The following TSHR variants were observed in gnomAD, a reference collection of about 807,000 sequenced individuals.
TSHR encodes thyrotropin receptor.
A neutral mutation model predicts 64.1 loss-of-function variants in TSHR; 51 were observed. The observed-to-expected ratio is 0.80, with a 90% CI of 0.64 to 1.01. TSHR has a LOEUF of 1.01. Ranked by LOEUF, TSHR falls within the 50% of genes least tolerant of loss-of-function variation. TSHR has a pLI of 0.00. For missense variants in TSHR, 877 were observed against 942.8 expected (o/e 0.93, Z 0.91); for synonymous variants, 361 against 361.9 (o/e 1.00, Z 0.03).
intron 1 of TSHR, chr14:81,032,575 C>T: frequency 4.6e-6 from 2 of 438,798 alleles, no homozygotes; most frequent in Admixed American, 5.5e-5. Context: ...GCTTGTGGCT[C>T]CTTCAATCCT....
chr14:81,041,328 C>T (rs573035183), intron 1 of TSHR, among the ~76,000 whole-genome samples: 1 of 152,212 alleles, frequency 6.6e-6, no homozygotes, highest in South Asian at 2.1e-4. Context: ...CCATGGAATA[C>T]TATGCAGCCA....
chr14:81,069,371 T>G (rs995015927), intron 3 of TSHR, among the ~76,000 whole-genome samples: 5 of 152,194 alleles, frequency 3.3e-5, no homozygotes, highest in Non-Finnish European at 7.3e-5. Flanking sequence ...AAGATATTGC[T>G]TACAAGTATG....
chr14:81,133,461 A>G (rs1449451270), intron 8 of TSHR, among the ~76,000 whole-genome samples: 2 of 152,200 alleles, frequency 1.3e-5, no homozygotes, highest in African/African-American at 4.8e-5. Context: ...TGGTAAGAGT[A>G]AGACATGGGA....
chr14:81,079,199 T>C (rs1209094153), intron 3 of TSHR, among the ~76,000 whole-genome samples: 1 of 152,212 alleles, frequency 6.6e-6, no homozygotes, highest in Non-Finnish European at 1.5e-5. Flanking sequence ...AAGATTTATA[T>C]CTGCAAAATG....
intron 1 of TSHR, chr14:81,003,642 C>T (rs760613347): frequency 1.2e-4 from 21 of 172,748 alleles, no homozygotes; most frequent in Non-Finnish European, 5.0e-5. Context: ...GAATAGCAAA[C>T]CATTTTCACA....
chr14:81,139,924 T>A, intron 9 of TSHR, 57 bp downstream of exon 9: 1 of 1,600,136 alleles, frequency 6.2e-7, no homozygotes, highest in South Asian at 1.1e-5. Flanking sequence ...GTGGAATTCA[T>A]TTCTTGGTTT....
At chr14:81,043,884 T>C (rs1397486329) in intron 1 of TSHR, among the ~76,000 whole-genome samples, 1 of 152,230 alleles carries the variant, frequency 6.6e-6, no homozygotes, top group Admixed American at 6.5e-5. Flanking sequence ...GCTAGCCATA[T>C]GCAGAAAACT....
At chr14:81,094,205 G>A (rs1406400312) in intron 6 of TSHR, 3 of 152,174 alleles carry the variant, frequency 2.0e-5, no homozygotes, top group Admixed American at 6.5e-5. Context: ...TCCAACAACC[G>A]ACTTTGTACC....
chr14:81,050,955 C>A (rs1191312436), intron 1 of TSHR: 5 of 152,154 alleles, frequency 3.3e-5, no homozygotes, highest in Admixed American at 3.3e-4. Flanking sequence ...TATGTTTACA[C>A]TACATGGTGT....
chr14:81,026,815 C>T (rs1884082233), intron 1 of TSHR, among the ~76,000 whole-genome samples: 1 of 152,128 alleles, frequency 6.6e-6, no homozygotes. Flanking sequence ...GCAGGCAGAT[C>T]ACCTGAGGTC....
intron 1 of TSHR, among the ~76,000 whole-genome samples, chr14:80,980,248 A>G (rs1466266042): frequency 3.3e-5 from 5 of 151,880 alleles, no homozygotes; most frequent in South Asian, 2.1e-4. Context: ...TTTTTTTTCT[A>G]TAATTAACCC....
At chr14:81,067,428 C>T (rs1336091799) in intron 2 of TSHR, among the ~76,000 whole-genome samples, 1 of 150,208 alleles carries the variant, frequency 6.7e-6, no homozygotes, top group Non-Finnish European at 1.5e-5. Flanking sequence ...ACAGAAATAT[C>T]ACCCAAAGAA....
chr14:81,036,285 A>C (rs1433521827), intron 1 of TSHR, among the ~76,000 whole-genome samples: 1 of 152,240 alleles, frequency 6.6e-6, no homozygotes, highest in African/African-American at 2.4e-5. Context: ...TCTCCAAAGC[A>C]CATTTTAATC....
intron 1 of TSHR, chr14:80,983,192 CA>C (rs1888258756): frequency 8.5e-7 from 1 of 1,181,998 alleles, no homozygotes; most frequent in Non-Finnish European, 1.2e-6. Flanking sequence ...AAAGACAATG[CA>C]AAATTGAATT....
At chr14:81,057,797 C>T (rs896467096) in intron 1 of TSHR, among the ~76,000 whole-genome samples, 1 of 152,198 alleles carries the variant, frequency 6.6e-6, no homozygotes, top group Non-Finnish European at 1.5e-5. Flanking sequence ...TGTTTCTGGA[C>T]CACACAGTCT....
intron 1 of TSHR, among the ~76,000 whole-genome samples, chr14:81,011,182 C>T (rs998793258): frequency 6.6e-6 from 1 of 151,422 alleles, no homozygotes; most frequent in East Asian, 1.9e-4. Context: ...AATTGAAACA[C>T]TTTTCTTTTT....
chr14:81,015,915 G>A (rs114383165), intron 1 of TSHR, among the ~76,000 whole-genome samples: 1,800 of 151,930 alleles, frequency 0.012, 21 homozygotes, highest in African/African-American at 0.016. Context: ...TTAACATAAC[G>A]TCCTCTAGTT....
At chr14:80,993,941 T>G (rs922833076) in intron 1 of TSHR, 25 of 152,276 alleles carry the variant, frequency 1.6e-4, no homozygotes, top group African/African-American at 6.0e-4. Flanking sequence ...TATGAGGATT[T>G]TTTTTCAATA....
chr14:81,096,407 A>C (rs1367066541), intron 6 of TSHR, among the ~76,000 whole-genome samples: 2 of 152,216 alleles, frequency 1.3e-5, no homozygotes, highest in African/African-American at 4.8e-5. Flanking sequence ...GATTCTGAGA[A>C]ACACCTTAAA....
Sources: allele counts gnomAD v4.1 joint callset (sites outside exome capture counted in the v4.1 genomes callset), GRCh38; gene constraint gnomAD v4.1.1; transcripts MANE v1.5; gene names NCBI Gene and HGNC (gene_info 2026-07-23, HGNC 2026-07-21).